CEP70: variants seen among roughly 807,000 people sequenced by gnomAD.
CEP70 encodes the protein centrosomal protein 70, also known as centrosomal protein of 70 kDa.
CEP70 carries 70 observed loss-of-function variants against 90.9 expected under a neutral mutation model. The observed-to-expected ratio is 0.77, with a 90% CI of 0.64 to 0.94. The LOEUF is 0.94. CEP70 is among the 40% of genes least tolerant of loss of function. CEP70 has a pLI of 0.00. For synonymous variants in CEP70, 220 were observed against 228.3 expected, an observed-to-expected ratio of 0.96 and a Z score of 0.33; for missense variants, 648 against 669.0, an observed-to-expected ratio of 0.97 and a Z score of 0.35.
intron 5 of CEP70, 138 bp downstream of exon 5, chr3:138,570,896 T>C (rs2041127172): frequency 6.1e-6 from 4 of 658,216 alleles, no homozygotes; most frequent in Non-Finnish European, 9.4e-6. Context: ...GATTTACCTA[T>C]TAAAATTTTA....
intron 6 of CEP70, among the ~76,000 whole-genome samples, chr3:138,551,311 C>G (rs1251982547): frequency 6.6e-6 from 1 of 152,158 alleles, no homozygotes; most frequent in African/African-American, 2.4e-5. Flanking sequence ...CAAACAAATG[C>G]TGAGAGAATT....
chr3:138,502,846 C>G (rs148435266), intron 13 of CEP70, among the ~76,000 whole-genome samples: 1 of 152,076 alleles, frequency 6.6e-6, no homozygotes, highest in African/African-American at 2.4e-5. Context: ...CTACCGTGTA[C>G]GTCTGGCCTC....
rs2042405047 is a variant in CEP70 at position 138,591,973 on chromosome 3, T to C, written c.-108-17A>G. On this transcript the variant is annotated splice_polypyrimidine_tract_variant and intron_variant, in intron 1 of 17. Transcript: ENST00000264982. ...GATCTTCATCTAGGTTTCAAAAAGA[T>C]AAAAAGAACAAAATCTTGAAATGTT... is the stretch of plus-strand genomic sequence containing the variant. The C allele has an allele frequency of 1.2e-6, 1 of 819,026 alleles. No individual in the cohort carries two copies. The highest frequency in any genetic ancestry group is 1.8e-5 in the African/African-American group (1 of 56,340). The allele number at this position is 819,026 out of a possible 1,614,324, so 50.7% of individuals were successfully genotyped here. A position where few individuals can be genotyped will look rare whatever the true frequency, so the allele number is the denominator to read the frequency against.
At chr3:138,543,244 C>A (rs1010084438) in intron 6 of CEP70, among the ~76,000 whole-genome samples, 20 of 152,332 alleles carry the variant, frequency 1.3e-4, no homozygotes, top group East Asian at 5.8e-4. Flanking sequence ...GCTGTCTGCA[C>A]TGCAGGACAC....
Position 138,559,151 on chromosome 3 carries a change from A to G in CEP70, c.465+11167T>C, listed in dbSNP as rs189347407. On this transcript the variant is annotated intron_variant, in intron 6 of 17. Coordinates refer to ENST00000264982, the MANE Select transcript of CEP70 (RefSeq NM_024491.4). ...ACTAGAAATTCTAAAACTAAAAAAT[A>G]CAATAACCGAAAGAAAATATCCAGA... 1.5e-4 allele frequency among the ~76,000 whole-genome samples: 23 copies of G among 152,314 alleles called. No homozygotes were observed. In the East Asian group the frequency reaches 4.4e-3, roughly 29 times the overall value.
At chr3:138,502,841 G>A (rs181381200) in intron 13 of CEP70, among the ~76,000 whole-genome samples, 11 of 152,224 alleles carry the variant, frequency 7.2e-5, no homozygotes, top group African/African-American at 2.2e-4. Flanking sequence ...CCAGCCTACC[G>A]TGTACGTCTG....
chr3:138,576,992 AC>A (rs1439502722), intron 2 of CEP70, among the ~76,000 whole-genome samples: 4 of 152,262 alleles, frequency 2.6e-5, no homozygotes, highest in Non-Finnish European at 5.9e-5. Flanking sequence ...TGGCACATAT[AC>A]ACCATGGAAT....
chr3:138,543,340 G>C (rs1195695976), intron 6 of CEP70, among the ~76,000 whole-genome samples: 1 of 152,240 alleles, frequency 6.6e-6, no homozygotes, highest in African/African-American at 2.4e-5. Context: ...AACCAAGGCA[G>C]TAGGGGGCTG....
At chr3:138,549,386 G>A (rs1303381423) in intron 6 of CEP70, among the ~76,000 whole-genome samples, 1 of 151,928 alleles carries the variant, frequency 6.6e-6, no homozygotes, top group Non-Finnish European at 1.5e-5. Context: ...TGATGGGAGT[G>A]AGACCGGCCT....
At chr3:138,523,192 G>C (rs1171023861) in intron 11 of CEP70, among the ~76,000 whole-genome samples, 1 of 152,002 alleles carries the variant, frequency 6.6e-6, no homozygotes, top group Non-Finnish European at 1.5e-5. Context: ...TGCTAAAATC[G>C]CTCAATAAAT....
At chr3:138,503,518 T>C (rs556972372) in intron 13 of CEP70, among the ~76,000 whole-genome samples, 12 of 152,312 alleles carry the variant, frequency 7.9e-5, no homozygotes, top group Non-Finnish European at 1.2e-4. Flanking sequence ...ACATATCAAA[T>C]AACCTTTGAT....
At chr3:138,594,100 G>A (rs2042537859) in intron 1 of CEP70, 98 bp downstream of exon 1, 1 of 152,332 alleles carries the variant, frequency 6.6e-6, no homozygotes, top group Admixed American at 6.5e-5. Context: ...CCCGACAAGG[G>A]TCAGTCTGAC....
intron 11 of CEP70, among the ~76,000 whole-genome samples, chr3:138,519,913 T>C (rs910344360): frequency 1.4e-4 from 22 of 152,094 alleles, no homozygotes; most frequent in African/African-American, 5.1e-4. Flanking sequence ...TCAAGACCCA[T>C]CAGTGTGCTG....
At chr3:138,568,191 C>T (rs535047496) in intron 6 of CEP70, among the ~76,000 whole-genome samples, 7 of 152,236 alleles carry the variant, frequency 4.6e-5, no homozygotes, top group South Asian at 2.1e-4. Flanking sequence ...ATAAGCTACA[C>T]GACAAATCTT....
chr3:138,564,258 T>C (rs1440680551), intron 6 of CEP70, among the ~76,000 whole-genome samples: 3 of 152,218 alleles, frequency 2.0e-5, no homozygotes, highest in African/African-American at 7.2e-5. Flanking sequence ...CAGTGAATTC[T>C]ACCAGATGTA....
intron 6 of CEP70, among the ~76,000 whole-genome samples, chr3:138,542,690 C>T (rs531796244): frequency 5.9e-5 from 9 of 152,222 alleles, no homozygotes; most frequent in Non-Finnish European, 1.3e-4. Flanking sequence ...TCTTCACTCA[C>T]GCAGTTTGTC....
intron 16 of CEP70, among the ~76,000 whole-genome samples, chr3:138,498,914 C>T (rs577766399): frequency 1.2e-3 from 181 of 151,820 alleles, no homozygotes; most frequent in African/African-American, 3.9e-3. Context: ...GGTGTGGTAG[C>T]GCATGCCTGT....
At chr3:138,499,805 CAAATTAGCTGGGCGTGGTGGCGTGTGCTT>C in intron 16 of CEP70, 4 of 267,854 alleles carry the variant, frequency 1.5e-5, no homozygotes, top group Admixed American at 9.0e-5. Context: ...CACACACACA[CAAATTAGCTGGGCGTGGTGGCGTGTGCTT>C]ACAGTCACAC....
rs71626068 is a variant in CEP70, at chr3:138,522,294, T to TA, written c.944+3195dup. 4.7e-3 allele frequency among the ~76,000 whole-genome samples: 500 copies of TA among 105,696 alleles called. 1 individual carries two copies. Among genetic ancestry groups the TA allele is most frequent in the African/African-American group, 0.011 (340 of 29,896 alleles). 69.3% of individuals were successfully genotyped at this position (105,696 alleles called of 152,430 possible). A position where few individuals can be genotyped will look rare whatever the true frequency, so the allele number is the denominator to read the frequency against. On this transcript the variant is annotated intron_variant, in intron 11 of 17. Coordinates refer to ENST00000264982, the MANE Select transcript of CEP70 (RefSeq NM_024491.4). ...AATGATCAATAAATACTAAAAAAAT[T>TA]AAAAAAAAAAAAAAAGAACTAGAGA...
Sources: gnomAD v4.1 joint callset for allele counts (sites outside exome capture counted in the v4.1 genomes callset) on GRCh38, gnomAD v4.1.1 for gene constraint, MANE v1.5 for transcripts, NCBI Gene and HGNC (gene_info 2026-07-23, HGNC 2026-07-21) for gene names.